Variants in CLASP1 observed in about 807,000 individuals in gnomAD.
CLASP1 encodes cytoplasmic linker associated protein 1.
Under a neutral mutation model 192.3 loss-of-function variants are expected in CLASP1, and 38 were observed. That is an observed-to-expected ratio of 0.20 (90% CI 0.15 to 0.26). The LOEUF (loss-of-function observed/expected upper bound fraction) is 0.26. Among genes scored for constraint, CLASP1 ranks in the 10% least tolerant of loss-of-function variants. The probability of loss-of-function intolerance (pLI) is 1.00; values close to 1 mark genes in which losing one functional copy is unlikely to be tolerated. For missense variants in CLASP1, 1,433 were observed against 1,932.5 expected (o/e 0.74, Z 4.85); for synonymous variants, 691 against 712.8 (o/e 0.97, Z 0.49).
chr2:121,492,248 G>T (rs1256366622), intron 8 of CLASP1, among the ~76,000 whole-genome samples: 2 of 151,758 alleles, frequency 1.3e-5, no homozygotes, highest in African/African-American at 4.8e-5. Flanking sequence ...AATTAGCCGG[G>T]CGTGGTGGCG....
At chr2:121,648,889 C>A (rs527360881) in intron 1 of CLASP1, among the ~76,000 whole-genome samples, 2 of 152,334 alleles carry the variant, frequency 1.3e-5, no homozygotes, top group East Asian at 3.9e-4. Context: ...AGGACGGGAG[C>A]CCGGGCCGCC....
At chr2:121,585,403 T>C (rs1425624582) in intron 2 of CLASP1, among the ~76,000 whole-genome samples, 1 of 152,176 alleles carries the variant, frequency 6.6e-6, no homozygotes, top group Non-Finnish European at 1.5e-5. Flanking sequence ...TCAGAGGATG[T>C]GCAGGTACAG....
chr2:121,648,630 G>A (rs971492376), intron 1 of CLASP1, among the ~76,000 whole-genome samples: 2 of 152,204 alleles, frequency 1.3e-5, no homozygotes, highest in Admixed American at 1.3e-4. Flanking sequence ...TAGCTCCATT[G>A]TACCTAGCCA....
In CLASP1 at chr2:121,430,195, AAC is replaced by A. The variant is rs2081147489; in HGVS notation, c.1913-20_1913-19del. The stretch of plus-strand genomic sequence containing the variant: ...GATCCGACCTGGAGGACACAGCAAA[AAC>A]AGTGTTTCACAACATTTCCAGTAAG... On this transcript the variant is annotated intron_variant, in intron 19 of 39. Transcript: ENST00000263710. 1 of 1,542,208 alleles carries A rather than the reference AAC, an allele frequency of 6.5e-7. No homozygotes were observed. Among genetic ancestry groups the A allele is most frequent in the African/African-American group, 1.4e-5 (1 of 72,890 alleles).
intron 2 of CLASP1, among the ~76,000 whole-genome samples, chr2:121,555,912 C>T (rs377345513): frequency 8.7e-5 from 13 of 148,606 alleles, no homozygotes; most frequent in Non-Finnish European, 1.3e-4. Flanking sequence ...CTCCTGACCT[C>T]GTGATCCACC....
At chr2:121,461,068 T>G (rs2087836924) in intron 11 of CLASP1, 33 bp downstream of exon 11, 1 of 1,277,778 alleles carries the variant, frequency 7.8e-7, no homozygotes, top group African/African-American at 1.5e-5. Context: ...ATACATCTTA[T>G]GAAAATGTAA....
chr2:121,487,895 G>T (rs2093073707), intron 8 of CLASP1, among the ~76,000 whole-genome samples: 1 of 152,018 alleles, frequency 6.6e-6, no homozygotes, highest in Admixed American at 6.6e-5. Context: ...TTATACTTTG[G>T]GTTAAAACTC....
intron 37 of CLASP1, among the ~76,000 whole-genome samples, chr2:121,360,369 C>T (rs1558866744): frequency 6.6e-6 from 1 of 152,068 alleles, no homozygotes; most frequent in Non-Finnish European, 1.5e-5. Context: ...TAAAGTAAGT[C>T]TAGAAACATT....
At chr2:121,517,731 C>G (rs1215857627) in intron 6 of CLASP1, among the ~76,000 whole-genome samples, 2 of 151,916 alleles carry the variant, frequency 1.3e-5, no homozygotes, top group African/African-American at 4.8e-5. Flanking sequence ...AGTTGGTACT[C>G]AGCTACAGTC....
intron 2 of CLASP1, among the ~76,000 whole-genome samples, chr2:121,565,763 C>A (rs2059442279): frequency 6.6e-6 from 1 of 152,230 alleles, no homozygotes; most frequent in South Asian, 2.1e-4. Context: ...ATCAGCAGAT[C>A]TGCATGCTCA....
chr2:121,576,895 CAG>C (rs1442949481), intron 2 of CLASP1, among the ~76,000 whole-genome samples: 1 of 152,052 alleles, frequency 6.6e-6, no homozygotes. Context: ...AAGGAAATGA[CAG>C]AATTAGAAAA....
chr2:121,480,697 T>C (rs2092524401), intron 8 of CLASP1, among the ~76,000 whole-genome samples: 1 of 152,164 alleles, frequency 6.6e-6, no homozygotes, highest in Non-Finnish European at 1.5e-5. Context: ...ATCAACCCCC[T>C]TCTTCTACTG....
At chr2:121,510,844 T>C (rs2094110607) in intron 7 of CLASP1, among the ~76,000 whole-genome samples, 1 of 151,720 alleles carries the variant, frequency 6.6e-6, no homozygotes, top group Non-Finnish European at 1.5e-5. Flanking sequence ...ATTAAATAAA[T>C]GGACGAATGA....
At chr2:121,643,370 T>C (rs2072524376) in intron 1 of CLASP1, among the ~76,000 whole-genome samples, 1 of 152,198 alleles carries the variant, frequency 6.6e-6, no homozygotes, top group African/African-American at 2.4e-5. Flanking sequence ...CAAGATGATG[T>C]AGCTAGGAAA....
At chr2:121,377,635 T>C (rs1270600322) in exon 34 of CLASP1, 6 of 1,582,664 alleles carry the variant, frequency 3.8e-6, no homozygotes, top group Non-Finnish European at 5.2e-6. Flanking sequence ...GTTCTCTGTA[T>C]CATAGTCCAG....
At chr2:121,436,137 TTCTCGTGCC>T (rs2082266520) in intron 19 of CLASP1, among the ~76,000 whole-genome samples, 1 of 152,018 alleles carries the variant, frequency 6.6e-6, no homozygotes, top group South Asian at 2.1e-4. Context: ...GTTTAAGTGA[TTCTCGTGCC>T]TCAGTTTCCC....
chr2:121,537,899 A>G (rs2095132533), intron 2 of CLASP1, among the ~76,000 whole-genome samples: 1 of 152,192 alleles, frequency 6.6e-6, no homozygotes, highest in African/African-American at 2.4e-5. Flanking sequence ...TTGAACATCC[A>G]CTGCATTCAT....
At chr2:121,338,224 G>A (rs1020718090) in exon 40 of CLASP1, 2 of 152,260 alleles carry the variant, frequency 1.3e-5, no homozygotes, top group Non-Finnish European at 1.5e-5. Context: ...CCTGCACAGG[G>A]TGGTAAGCTA....
At chr2:121,383,135 G>C (rs2072166327) in intron 32 of CLASP1, among the ~76,000 whole-genome samples, 1 of 152,210 alleles carries the variant, frequency 6.6e-6, no homozygotes, top group Non-Finnish European at 1.5e-5. Context: ...TGGAGGGAGA[G>C]ACTGGGAAAG....
Sources: gnomAD v4.1 joint callset for allele counts (sites outside exome capture counted in the v4.1 genomes callset) on GRCh38, gnomAD v4.1.1 for gene constraint, MANE v1.5 for transcripts, NCBI Gene and HGNC (gene_info 2026-07-23, HGNC 2026-07-21) for gene names.